Variants in ASTN2 observed in about 807,000 individuals in gnomAD.
ASTN2 encodes astrotactin-2.
In ASTN2, 54 loss-of-function variants were observed where a neutral mutation model predicts 139.8. That is an observed-to-expected ratio of 0.39 (90% CI 0.31 to 0.48). The LOEUF is 0.48. Ranked by LOEUF, ASTN2 falls within the 20% of genes least tolerant of loss-of-function variation. ASTN2 has a pLI of 0.95. For missense variants in ASTN2, 1,565 were observed against 1,725.1 expected, an observed-to-expected ratio of 0.91 and a Z score of 1.64; for synonymous variants, 756 against 719.5, an observed-to-expected ratio of 1.05 and a Z score of -0.81.
intron 13 of ASTN2, among the ~76,000 whole-genome samples, chr9:116,748,836 C>G (rs1478406993): frequency 6.6e-6 from 1 of 152,086 alleles, no homozygotes; most frequent in Admixed American, 6.5e-5. Flanking sequence ...AGTCATTTCC[C>G]ATCTCTAGGG....
intron 13 of ASTN2, among the ~76,000 whole-genome samples, chr9:116,798,880 G>A (rs1029201281): frequency 1.3e-5 from 2 of 152,268 alleles, no homozygotes; most frequent in Middle Eastern, 6.8e-3. Context: ...AACTTTCACA[G>A]TCAGGCCACT....
intron 1 of ASTN2, among the ~76,000 whole-genome samples, chr9:117,374,369 T>TAA (rs57428022): frequency 0.046 from 3,968 of 87,110 alleles, 128 homozygotes; most frequent in Non-Finnish European, 0.06. Context: ...AGGGCAGGGT[T>TAA]AAAAAAAAAA....
chr9:117,175,262 T>C (rs1830889042), intron 3 of ASTN2, among the ~76,000 whole-genome samples: 1 of 152,078 alleles, frequency 6.6e-6, no homozygotes, highest in African/African-American at 2.4e-5. Flanking sequence ...GTGATATATG[T>C]ATAGATAAAA....
At chr9:117,140,282 G>C (rs1830042813) in intron 4 of ASTN2, among the ~76,000 whole-genome samples, 2 of 152,086 alleles carry the variant, frequency 1.3e-5, no homozygotes, top group South Asian at 2.1e-4. Flanking sequence ...GTGTGGCTTT[G>C]AGTGTCATGT....
At chr9:116,739,639 T>C (rs1467953711) in intron 13 of ASTN2, among the ~76,000 whole-genome samples, 1 of 152,234 alleles carries the variant, frequency 6.6e-6, no homozygotes, top group African/African-American at 2.4e-5. Flanking sequence ...TGAAGGGCTT[T>C]ATCGTTTCTA....
At chr9:116,806,073 C>A (rs1831022045) in intron 12 of ASTN2, among the ~76,000 whole-genome samples, 2 of 152,208 alleles carry the variant, frequency 1.3e-5, no homozygotes, top group South Asian at 2.1e-4. Context: ...CACGTTCACA[C>A]ACAAAGCAAA....
chr9:117,366,653 T>C (rs1829851730), intron 1 of ASTN2, among the ~76,000 whole-genome samples: 1 of 152,172 alleles, frequency 6.6e-6, no homozygotes, highest in Non-Finnish European at 1.5e-5. Context: ...AGCCATCTCA[T>C]GACCTCAGTA....
chr9:116,800,133 A>C (rs1049644772), intron 13 of ASTN2, among the ~76,000 whole-genome samples: 1 of 151,770 alleles, frequency 6.6e-6, no homozygotes, highest in African/African-American at 2.4e-5. Flanking sequence ...TGATCTTTTC[A>C]TGTCTCCTTC....
intron 4 of ASTN2, among the ~76,000 whole-genome samples, chr9:117,136,898 G>C (rs1829964373): frequency 6.6e-6 from 1 of 152,140 alleles, no homozygotes; most frequent in East Asian, 1.9e-4. Flanking sequence ...ATTTCCAGAA[G>C]GGAAAACAGA....
intron 19 of ASTN2, among the ~76,000 whole-genome samples, chr9:116,507,089 T>G (rs1257687482): frequency 6.6e-6 from 1 of 152,174 alleles, no homozygotes; most frequent in Non-Finnish European, 1.5e-5. Context: ...ACATAATCGC[T>G]TTAACATTCA....
Position 116,487,512 on chromosome 9 carries a change from A to T in ASTN2, c.3356-12T>A. Reference sequence around the variant, plus strand: ...ACTCAGGAATTCTCCTGGAGGGAGAAAAAGAAAGATGAGCTCCCCAGCTCA... The same window carrying T: ...ACTCAGGAATTCTCCTGGAGGGAGATAAAGAAAGATGAGCTCCCCAGCTCA... On this transcript the variant is annotated splice_polypyrimidine_tract_variant and intron_variant, in intron 19 of 22. Coordinates refer to ENST00000313400, the MANE Select transcript of ASTN2 (RefSeq NM_001365068.1). 2 of 1,612,646 alleles carry T rather than the reference A, an allele frequency of 1.2e-6. No homozygotes were observed. The highest frequency in any genetic ancestry group is 1.7e-6 in the Non-Finnish European group (2 of 1,179,562).
chr9:117,008,102 G>A lies in ASTN2; in HGVS notation c.1581C>T (p.Asp527=). 6.3e-7 allele frequency: 1 copy of A among 1,591,588 alleles called. No individual in the cohort carries two copies. The highest frequency in any genetic ancestry group is 8.6e-7 in the Non-Finnish European group (1 of 1,168,160). ...RTTDACEQLC[D]PETGECSCHE... is the part of the protein sequence containing the mutation. The stretch of plus-strand genomic sequence containing the variant: ...GCTCCCATGGCTCACCGGTTTCTGG[G>A]TCGCAGAGCTGCTCACAGGCATCTG... The change falls in exon 7 of 23, where the codon GAC becomes GAT. Residue 527 remains aspartate (D), a synonymous_variant. Coordinates refer to ENST00000313400, the MANE Select transcript of ASTN2 (RefSeq NM_001365068.1).
intron 10 of ASTN2, among the ~76,000 whole-genome samples, chr9:116,920,322 GC>G (rs1187542819): frequency 6.6e-6 from 1 of 152,168 alleles, no homozygotes; most frequent in Admixed American, 6.5e-5. Context: ...AATTTTAGTG[GC>G]TTAAAAGCAG....
chr9:116,425,384 C>T lies in ASTN2; in HGVS notation c.*467G>A, dbSNP rs1847274981. On this transcript the variant is annotated 3_prime_UTR_variant, in exon 23 of 23. Transcript: ENST00000313400. ...ACCCATGCTTCCTCACTGCAACCAT[C>T]CTCAGAGCTTCCTTCCTGGTGCTGA... The T allele has an allele frequency of 3.2e-6, 2 of 628,404 alleles. No homozygotes were observed. Among genetic ancestry groups the T allele is most frequent in the Admixed American group, 3.1e-5 (1 of 32,088 alleles). The allele number at this position is 628,404 out of a possible 1,614,324, so 38.9% of individuals were successfully genotyped here. A position where few individuals can be genotyped will look rare whatever the true frequency, so the allele number is the denominator to read the frequency against.
intron 10 of ASTN2, among the ~76,000 whole-genome samples, chr9:116,891,321 T>C (rs887904260): frequency 2.6e-5 from 4 of 152,230 alleles, no homozygotes; most frequent in African/African-American, 9.6e-5. Flanking sequence ...ATTTTCTGAA[T>C]ACCTGCCTGG....
At chr9:117,028,977 T>C (rs1008940578) in intron 6 of ASTN2, among the ~76,000 whole-genome samples, 2 of 152,174 alleles carry the variant, frequency 1.3e-5, no homozygotes, top group African/African-American at 2.4e-5. Flanking sequence ...TAGAGATTTG[T>C]CCAAAGATGG....
At chr9:116,573,754 G>C (rs1476801659) in intron 19 of ASTN2, among the ~76,000 whole-genome samples, 1 of 152,184 alleles carries the variant, frequency 6.6e-6, no homozygotes, top group Non-Finnish European at 1.5e-5. Context: ...TCAGAGAAGT[G>C]AAGTGGTTTG....
chr9:117,078,227 A>G (rs777000529), intron 5 of ASTN2, among the ~76,000 whole-genome samples: 4 of 152,244 alleles, frequency 2.6e-5, no homozygotes, highest in Non-Finnish European at 5.9e-5. Flanking sequence ...TCCACTTTAT[A>G]TATTAGGAAA....
At chr9:116,480,098 G>A (rs2119051840) in intron 20 of ASTN2, among the ~76,000 whole-genome samples, 1 of 151,992 alleles carries the variant, frequency 6.6e-6, no homozygotes, top group East Asian at 1.9e-4. Flanking sequence ...AGCAAGGAAG[G>A]AAGGATGGGT....
Sources: gnomAD v4.1 joint callset for allele counts (sites outside exome capture counted in the v4.1 genomes callset) on GRCh38, gnomAD v4.1.1 for gene constraint, MANE v1.5 for transcripts, NCBI Gene and HGNC (gene_info 2026-07-23, HGNC 2026-07-21) for gene names.